MGAT4C: variants seen among roughly 807,000 people sequenced by gnomAD.
MGAT4C encodes the protein alpha-1,3-mannosyl-glycoprotein 4-beta-N-acetylglucosaminyltransferase C.
A neutral mutation model predicts 40.1 loss-of-function variants in MGAT4C; 19 were observed. The observed-to-expected ratio is 0.47, with a 90% CI of 0.33 to 0.70. The LOEUF is 0.70. Ranked by LOEUF, MGAT4C falls within the 30% of genes least tolerant of loss-of-function variation. The pLI is 0.02. For synonymous variants in MGAT4C, 181 were observed against 187.1 expected (o/e 0.97, Z 0.27); for missense variants, 491 against 563.2 (o/e 0.87, Z 1.30).
Position 85,966,557 on chromosome 12 carries a change from C to T in MGAT4C, c.*12732G>A, listed in dbSNP as rs1180157414. The T allele has an allele frequency of 6.6e-6, 1 of 151,936 alleles. No homozygotes were observed. The highest frequency in any genetic ancestry group is 6.6e-5 in the Admixed American group (1 of 15,250). 9.4% of individuals were successfully genotyped at this position (151,936 alleles called of 1,614,324 possible). On this transcript the variant is annotated 3_prime_UTR_variant, in exon 5 of 5. Coordinates refer to ENST00000611864, the MANE Select transcript of MGAT4C (RefSeq NM_001351288.2). ...AGCCATCCCATTACTGGGTATATAC[C>T]CAAAGGATTATAAATCATGCTTCTA...
chr12:86,179,341 C>G (rs1228853231), intron 1 of MGAT4C, among the ~76,000 whole-genome samples: 1 of 152,150 alleles, frequency 6.6e-6, no homozygotes, highest in Non-Finnish European at 1.5e-5. Flanking sequence ...ATGTCTTTAT[C>G]AGCAGTGTGA....
At chr12:86,535,884 T>C (rs1292294606) in intron 2 of MGAT4C, among the ~76,000 whole-genome samples, 2 of 152,148 alleles carry the variant, frequency 1.3e-5, no homozygotes, top group Admixed American at 6.6e-5. Context: ...AAAAGAGATG[T>C]GTAAACAAAA....
chr12:86,625,652 G>C (rs929027410), intron 2 of MGAT4C, among the ~76,000 whole-genome samples: 8 of 151,942 alleles, frequency 5.3e-5, no homozygotes, highest in Non-Finnish European at 1.2e-4. Context: ...AGATATATTG[G>C]GAGTCCTGTA....
rs140775098 is a variant in MGAT4C at position 86,249,369 on chromosome 12, C to T, written c.-57+6870G>A. 5.5e-3 allele frequency among the ~76,000 whole-genome samples: 835 copies of T among 152,218 alleles called. 3 individuals are homozygous for T. The highest frequency in any genetic ancestry group is 0.011 in the Admixed American group (175 of 15,272). On this transcript the variant is annotated intron_variant, in intron 1 of 4. Transcript: ENST00000611864. ...TAAAATAACTTAATAGATTGATATA[C>T]CTAGTAAAGTTAGCGGAAATTAATG...
At chr12:86,367,316 T>C (rs574494155) in intron 3 of MGAT4C, among the ~76,000 whole-genome samples, 129 of 152,230 alleles carry the variant, frequency 8.5e-4, no homozygotes, top group African/African-American at 3.1e-3. Flanking sequence ...TGGGCCTCAA[T>C]AGCACATTCC....
chr12:86,466,007 G>A (rs536623229), intron 2 of MGAT4C, among the ~76,000 whole-genome samples: 2 of 152,072 alleles, frequency 1.3e-5, no homozygotes, highest in South Asian at 2.1e-4. Context: ...TCAGAAGTTC[G>A]AGACCAGCCT....
intron 3 of MGAT4C, among the ~76,000 whole-genome samples, chr12:86,376,818 C>CAGAGAGAGAGAGACAG (rs1565716015): frequency 1.6e-5 from 2 of 125,374 alleles, no homozygotes; most frequent in Non-Finnish European, 3.3e-5. Flanking sequence ...GAGAGAGAGA[C>CAGAGAGAGAGAGACAG]AGAGAGAGAG....
intron 2 of MGAT4C, among the ~76,000 whole-genome samples, chr12:86,492,179 C>T (rs945333278): frequency 1.3e-5 from 2 of 152,274 alleles, no homozygotes; most frequent in Middle Eastern, 3.4e-3. Context: ...ATTCCATGCT[C>T]CTGGGTAGGA....
Position 86,017,569 on chromosome 12 carries a change from G to C in MGAT4C, c.-6-28017C>G, listed in dbSNP as rs186773113. On this transcript the variant is annotated intron_variant, in intron 2 of 4. Coordinates refer to ENST00000611864, the MANE Select transcript of MGAT4C (RefSeq NM_001351288.2). The stretch of plus-strand genomic sequence containing the variant: ...AACATCTTTAAAGATATTAAAAAAG[G>C]TAACGAAAAAATATTGACACTATGT... 2.3e-3 allele frequency among the ~76,000 whole-genome samples: 356 copies of C among 152,136 alleles called. 2 individuals carry two copies. The highest frequency in any genetic ancestry group is 3.3e-3 in the East Asian group (17 of 5,176).
intron 1 of MGAT4C, among the ~76,000 whole-genome samples, chr12:86,797,461 T>C (rs1952145733): frequency 6.6e-6 from 1 of 151,858 alleles, no homozygotes; most frequent in South Asian, 2.1e-4. Context: ...CATATGAAAG[T>C]CAATAATTGC....
chr12:86,236,085 G>C lies in MGAT4C; in HGVS notation c.-57+20154C>G, dbSNP rs7310457. ...TAATTTATGGCCATTTAAAATGTGA[G>C]CACAGATATCCTACTGACATCACAG... On this transcript the variant is annotated intron_variant, in intron 1 of 4. Coordinates refer to ENST00000611864, the MANE Select transcript of MGAT4C (RefSeq NM_001351288.2). Among the ~76,000 whole-genome samples, 57 of 152,016 alleles carry C rather than the reference G, an allele frequency of 3.7e-4. 1 individual carries two copies. Among genetic ancestry groups the C allele is most frequent in the African/African-American group, 1.4e-3 (56 of 41,414 alleles).
chr12:86,439,731 A>G (rs1187865453), intron 2 of MGAT4C, among the ~76,000 whole-genome samples: 3 of 151,990 alleles, frequency 2.0e-5, no homozygotes, highest in Non-Finnish European at 4.4e-5. Context: ...ATAGACCACT[A>G]GCCAGATTAG....
chr12:86,325,049 GT>G, intron 4 of MGAT4C, among the ~76,000 whole-genome samples: 1 of 152,132 alleles, frequency 6.6e-6, no homozygotes, highest in African/African-American at 2.4e-5. Flanking sequence ...GCAGTCAATT[GT>G]TTTAATATAA....
intron 2 of MGAT4C, among the ~76,000 whole-genome samples, chr12:86,441,030 A>G (rs1472875769): frequency 6.6e-6 from 1 of 152,146 alleles, no homozygotes; most frequent in East Asian, 1.9e-4. Context: ...CATGAAAATG[A>G]TCATACTGCC....
intron 2 of MGAT4C, among the ~76,000 whole-genome samples, chr12:86,533,970 T>C (rs1959028856): frequency 1.3e-5 from 2 of 152,138 alleles, no homozygotes; most frequent in African/African-American, 4.8e-5. Context: ...TCTTGAATAG[T>C]ATCTCATGAC....
At chr12:86,503,407 T>C (rs1282862424) in intron 2 of MGAT4C, among the ~76,000 whole-genome samples, 1 of 14,982 alleles carries the variant, frequency 6.7e-5, no homozygotes, top group Non-Finnish European at 9.8e-5. Flanking sequence ...CATATATATA[T>C]ATATGAGTTC....
chr12:86,353,941 G>GT (rs1955242187), intron 3 of MGAT4C, among the ~76,000 whole-genome samples: 1 of 152,068 alleles, frequency 6.6e-6, no homozygotes, highest in Non-Finnish European at 1.5e-5. Context: ...AGAGTACAAG[G>GT]TAATCAAGAA....
intron 2 of MGAT4C, among the ~76,000 whole-genome samples, chr12:86,566,415 G>A (rs1317368184): frequency 6.6e-6 from 1 of 150,458 alleles, no homozygotes; most frequent in African/African-American, 2.4e-5. Context: ...CTTGAACATT[G>A]GACTCCAAGT....
At chr12:86,710,798 C>T (rs546861871) in intron 2 of MGAT4C, among the ~76,000 whole-genome samples, 37 of 152,214 alleles carry the variant, frequency 2.4e-4, no homozygotes, top group Admixed American at 1.0e-3. Flanking sequence ...TGCCCATCAA[C>T]GAACGAGTGG....
Sources: allele counts gnomAD v4.1 joint callset (sites outside exome capture counted in the v4.1 genomes callset), GRCh38; gene constraint gnomAD v4.1.1; transcripts MANE v1.5; gene names NCBI Gene and HGNC (gene_info 2026-07-23, HGNC 2026-07-21).